Variants in DNAH1 observed in about 807,000 individuals in gnomAD.
DNAH1 encodes the protein axonemal beta dynein heavy chain 1.
DNAH1 carries 327 observed loss-of-function variants against 484.3 expected under a neutral mutation model. The ratio of observed to expected loss-of-function variants is 0.68; its 90% confidence interval spans 0.62 to 0.74. DNAH1 has a LOEUF of 0.74. Among genes scored for constraint, DNAH1 ranks in the 30% least tolerant of loss-of-function variants. The probability of loss-of-function intolerance (pLI) is 0.00; values close to 1 mark genes in which losing one functional copy is unlikely to be tolerated. For missense variants in DNAH1, 5,052 were observed against 5,546.8 expected, an observed-to-expected ratio of 0.91 and a Z score of 2.83; for synonymous variants, 2,192 against 2,191.9, an observed-to-expected ratio of 1.00 and a Z score of 0.00.
At chr3:52,397,183 C>T (rs1242592905) in intron 73 of DNAH1, 139 bp downstream of exon 73, 2 of 878,994 alleles carry the variant, frequency 2.3e-6, no homozygotes, top group Non-Finnish European at 3.4e-6. Context: ...CAATCCATCC[C>T]ATCCCACAAA....
chr3:52,342,313 AGAG>A (rs1701970100), intron 8 of DNAH1, among the ~76,000 whole-genome samples: 1 of 152,270 alleles, frequency 6.6e-6, no homozygotes, highest in Admixed American at 6.5e-5. Flanking sequence ...GGTGGTGAGC[AGAG>A]GAGTGGCTTG....
Position 52,352,019 on chromosome 3 carries a change from G to C in DNAH1, c.2787G>C (p.Gln929His). The C allele has an allele frequency of 6.3e-7, 1 of 1,599,456 alleles. No homozygotes were observed. The highest frequency in any genetic ancestry group is 2.3e-5 in the East Asian group (1 of 44,328). Residue 929 changes from glutamine (Q) to histidine (H), a missense_variant, in exon 17 of 78, where the codon CAG becomes CAC. This residue lies in a region of DNAH1 where 1,263 missense variants were observed against 1,218.8 expected (regional missense o/e 1.04). Coordinates refer to ENST00000420323, the MANE Select transcript of DNAH1 (RefSeq NM_015512.5). The part of the protein sequence containing the change: ...KILGQIELVQ[Q>H]QHVEDEEKFR... ...TTGGGCAGATAGAGCTGGTGCAGCA[G>C]CAGCATGTGGAGGATGAGGAGAAGT...
chr3:52,400,284 TA>T, intron 77 of DNAH1, 40 bp from the exon 78 acceptor site: 1 of 1,611,562 alleles, frequency 6.2e-7, no homozygotes, highest in Non-Finnish European at 8.5e-7. Context: ...CTAGTAGTAA[TA>T]GGGCATGACC....
chr3:52,373,227 G>A (rs561689861), intron 44 of DNAH1, among the ~76,000 whole-genome samples, 174 bp downstream of exon 44: 1 of 151,752 alleles, frequency 6.6e-6, no homozygotes, highest in Non-Finnish European at 1.5e-5. Context: ...GAGAGACGCC[G>A]CCGCCACGGC....
chr3:52,373,387 G>A (rs866457613), intron 44 of DNAH1, among the ~76,000 whole-genome samples: 2 of 152,218 alleles, frequency 1.3e-5, no homozygotes, highest in East Asian at 1.9e-4. Flanking sequence ...GTGGCGGCCC[G>A]CTCCAGCCAT....
At chr3:52,350,239 G>T in intron 15 of DNAH1, 131 bp downstream of exon 15, 1 of 1,357,962 alleles carries the variant, frequency 7.4e-7, no homozygotes, top group Non-Finnish European at 1.0e-6. Context: ...ACAGAGGACA[G>T]ATGGGGTTTA....
At position 52,328,865 on chromosome 3, in the gene DNAH1, G is replaced by A. The variant is rs562285205; in HGVS notation, c.871+851G>A. Among the ~76,000 whole-genome samples the A allele has an allele frequency of 2.6e-5, 4 of 152,346 alleles. No homozygotes were observed. In the East Asian group the frequency reaches 7.7e-4, roughly 29 times the overall value. On this transcript the variant is annotated intron_variant, in intron 6 of 77. Transcript: ENST00000420323. ...AAGGCTGCTCTGCTCCCCACCTGGT[G>A]GGTGGACAAGATGCTGTGAGTTGGG...
chr3:52,346,638 A>G lies in DNAH1; in HGVS notation c.1823A>G (p.Gln608Arg), dbSNP rs775695523. 1.1e-5 allele frequency: 18 copies of G among 1,614,068 alleles called. No individual in the cohort carries two copies. Among genetic ancestry groups the G allele is most frequent in the Non-Finnish European group, 1.5e-5 (18 of 1,179,900 alleles). Residue 608 changes from glutamine to arginine, a missense_variant, in exon 11 of 78, where the codon CAG (glutamine) becomes CGG (arginine). Physicochemically the swap from Gln to Arg is conservative, Grantham distance 43. Coordinates refer to ENST00000420323, the MANE Select transcript of DNAH1 (RefSeq NM_015512.5). Reference protein sequence around the residue: ...KLMELVKYMLQDTLRFLVQDS... With the variant: ...KLMELVKYMLRDTLRFLVQDS... The stretch of plus-strand genomic sequence containing the variant: ...ATGGAGCTGGTGAAGTACATGCTGC[A>G]GGACACACTGCGCTTCCTGGTGCAG...
Position 52,362,897 on chromosome 3 carries a change from A to G in DNAH1, c.5095-98A>G. On this transcript the variant is annotated intron_variant, in intron 31 of 77. Transcript: ENST00000420323. This position sits in a 1 kb window ranked among gnomAD's most constrained non-coding sequence, Gnocchi z 5.1. ...TCAGCTGTGGCAGGCTTGGTGCAGC[A>G]GGGAGTCCCAGCGTGTTAGGGAGGA... 1 of 1,527,570 alleles carries G rather than the reference A, an allele frequency of 6.5e-7. No individual in the cohort carries two copies. Among genetic ancestry groups the G allele is most frequent in the Non-Finnish European group, 8.9e-7 (1 of 1,118,440 alleles). The allele number at this position is 1,527,570 out of a possible 1,614,324, so 94.6% of individuals were successfully genotyped here.
chr3:52,379,826 C>A lies in DNAH1; in HGVS notation c.7378-79C>A. On this transcript the variant is annotated intron_variant, in intron 47 of 77. Coordinates refer to ENST00000420323, the MANE Select transcript of DNAH1 (RefSeq NM_015512.5). The surrounding 1 kb of genome is among the most constrained non-coding windows in gnomAD (Gnocchi z 4.4). ...TCAGGGCCCCAGGAACTGGGGCCCA[C>A]CCTCCCTTGCCTGGTGGTTTGAGAG... The A allele has an allele frequency of 1.5e-6, 2 of 1,319,518 alleles. No homozygotes were observed. The highest frequency in any genetic ancestry group is 2.1e-6 in the Non-Finnish European group (2 of 967,034). 81.7% of individuals were successfully genotyped at this position (1,319,518 alleles called of 1,614,324 possible).
intron 8 of DNAH1, 97 bp from the exon 9 acceptor site, chr3:52,344,393 G>A (rs566951698): frequency 9.7e-6 from 14 of 1,450,116 alleles, no homozygotes; most frequent in East Asian, 4.7e-5. Context: ...CCCTAAATGC[G>A]TGTCCCCAGG....
Position 52,371,930 on chromosome 3 carries a change from C to A in DNAH1, c.6526-16C>A. 1 of 1,611,884 alleles carries A rather than the reference C, an allele frequency of 6.2e-7. No individual in the cohort carries two copies. The highest frequency in any genetic ancestry group is 1.1e-5 in the South Asian group (1 of 90,872). On this transcript the variant is annotated splice_polypyrimidine_tract_variant and intron_variant, in intron 41 of 77. Coordinates refer to ENST00000420323, the MANE Select transcript of DNAH1 (RefSeq NM_015512.5). ...GAGGGGTTCCAGGCCCACTGCTGAG[C>A]CACCTATGATTCCAGGTTGCCTGGG...
Position 52,398,932 on chromosome 3 carries a change from C to CT in DNAH1, c.12172_12173insT (p.Gln4058LeufsTer16). 2 of 1,613,146 alleles carry CT rather than the reference C, an allele frequency of 1.2e-6. No individual in the cohort carries two copies. The highest frequency in any genetic ancestry group is 1.7e-6 in the Non-Finnish European group (2 of 1,179,328). On this transcript the variant is annotated frameshift_variant, in exon 76 of 78. Transcript: ENST00000420323. LOFTEE classifies it high-confidence loss of function. ...CAAGGGGCTGGTAGTGATGTCCTCT[C>CT]AGCTGGAGCTGATGGCTGCCAGCCT...
chr3:52,362,601 G>A lies in DNAH1; in HGVS notation c.5094+100G>A. On this transcript the variant is annotated intron_variant, in intron 31 of 77. Transcript: ENST00000420323. This position sits in a 1 kb window ranked among gnomAD's most constrained non-coding sequence, Gnocchi z 5.1. The stretch of plus-strand genomic sequence containing the variant: ...CAAGGACACAGTTGCTTGGACTCCA[G>A]GGACTGTGATTCCCTATGGTAGCCC... The A allele has an allele frequency of 9.2e-7, 1 of 1,083,666 alleles. No homozygotes were observed. The highest frequency in any genetic ancestry group is 1.4e-6 in the Non-Finnish European group (1 of 740,198). The allele number at this position is 1,083,666 out of a possible 1,614,324, so 67.1% of individuals were successfully genotyped here. A position where few individuals can be genotyped will look rare whatever the true frequency, so the allele number is the denominator to read the frequency against.
At position 52,381,670 on chromosome 3, in the gene DNAH1, G is replaced by A. The variant is rs1703850815; in HGVS notation, c.7639G>A (p.Asp2547Asn). The A allele has an allele frequency of 2.5e-6, 4 of 1,608,808 alleles. No homozygotes were observed. The South Asian group carries it at 4.5e-5, about 18-fold the overall frequency. The change falls in exon 49 of 78, where the codon GAC becomes AAC. Residue 2547 changes from aspartate (D) to asparagine (N), a missense_variant. Physicochemically the swap from Asp to Asn is conservative, Grantham distance 23. Around this residue, in one of 4 missense-constraint regions of DNAH1, gnomAD observed 2,929 missense variants for 3,409.4 expected, o/e 0.86. Coordinates refer to ENST00000420323, the MANE Select transcript of DNAH1 (RefSeq NM_015512.5). This position sits in a 1 kb window ranked among gnomAD's most constrained non-coding sequence, Gnocchi z 4.1. ...MMQVIEEYIE[D>N]YNQINTAKLK... ...GCAGGTGATAGAGGAGTACATAGAG[G>A]ACTACAACCAGATCAACACGGCCAA...
At chr3:52,391,729 C>T (rs915669598) in intron 63 of DNAH1, 126 bp downstream of exon 63, 103 of 1,133,100 alleles carry the variant, frequency 9.1e-5, no homozygotes, top group Non-Finnish European at 1.3e-4. Context: ...ACCAGTTTCA[C>T]CCCAGGCACT....
intron 48 of DNAH1, among the ~76,000 whole-genome samples, chr3:52,380,549 C>T (rs1375409442): frequency 6.6e-6 from 1 of 152,248 alleles, no homozygotes; most frequent in African/African-American, 2.4e-5. Flanking sequence ...ATTCCAAGAG[C>T]TCCCACCAGG....
chr3:52,323,220 G>T (rs1701214238), intron 2 of DNAH1, among the ~76,000 whole-genome samples: 1 of 152,138 alleles, frequency 6.6e-6, no homozygotes, highest in Non-Finnish European at 1.5e-5. Flanking sequence ...TTCCAGGCAG[G>T]GGGAGACAAC....
Position 52,355,029 on chromosome 3 carries a change from T to C in DNAH1, c.3667T>C (p.Trp1223Arg). Reference sequence around the variant, plus strand: ...GCCCTTTGAGCAGCGCATCAACTCCTGGGAGAACAAACTGAAGCTGACCCA... The same window carrying C: ...GCCCTTTGAGCAGCGCATCAACTCCCGGGAGAACAAACTGAAGCTGACCCA... ...KKPFEQRINS[W>R]ENKLKLTQEV... Residue 1223 changes from tryptophan (W) to arginine (R), a missense_variant, in exon 21 of 78, where the codon TGG (tryptophan) becomes CGG (arginine). By Grantham distance (101) the Trp-to-Arg change is moderately radical. Around this residue, in one of 4 missense-constraint regions of DNAH1, gnomAD observed 2,929 missense variants for 3,409.4 expected, o/e 0.86. Coordinates refer to ENST00000420323, the MANE Select transcript of DNAH1 (RefSeq NM_015512.5). The surrounding 1 kb of genome is among the most constrained non-coding windows in gnomAD (Gnocchi z 4.5). The C allele has an allele frequency of 3.1e-6, 5 of 1,613,874 alleles. No individual in the cohort carries two copies. The highest frequency in any genetic ancestry group is 4.2e-6 in the Non-Finnish European group (5 of 1,179,890).
Sources: allele counts gnomAD v4.1 joint callset (sites outside exome capture counted in the v4.1 genomes callset), GRCh38; gene constraint gnomAD v4.1.1; regional missense constraint gnomAD v4.1.1; non-coding constraint Gnocchi (gnomAD v3.1); transcripts MANE v1.5; gene names NCBI Gene and HGNC (gene_info 2026-07-23, HGNC 2026-07-21).